Variants in POM121 observed in about 807,000 individuals in gnomAD.
POM121 encodes the protein POM121 transmembrane nucleoporin, also known as nuclear envelope pore membrane protein POM 121.
A neutral mutation model predicts 81.3 loss-of-function variants in POM121; 32 were observed. The ratio of observed to expected loss-of-function variants is 0.39; its 90% CI spans 0.30 to 0.53. The LOEUF (loss-of-function observed/expected upper bound fraction) is 0.53. Among genes scored for constraint, POM121 ranks in the 20% least tolerant of loss-of-function variants. POM121 has a pLI of 0.66. For synonymous variants in POM121, 514 were observed against 694.2 expected, an observed-to-expected ratio of 0.74 and a Z score of 4.08; for missense variants, 1,138 against 1,614.6, an observed-to-expected ratio of 0.70 and a Z score of 5.06.
At chr7:72,949,793 T>G (rs1797943824), downstream of POM121, 1 of 1,084,998 alleles carries the variant, frequency 9.2e-7, no homozygotes, top group East Asian at 2.4e-5. Flanking sequence ...CATTACCCAC[T>G]GAAAGGCACA....
chr7:72,909,767 C>T (rs1793624615), intron 3 of POM121, among the ~76,000 whole-genome samples: 2 of 152,184 alleles, frequency 1.3e-5, no homozygotes, highest in African/African-American at 4.8e-5. Flanking sequence ...TTCTTCTCAA[C>T]CTCCTGAGTA....
intron 5 of POM121, 79 bp from the exon 6 acceptor site, chr7:72,938,511 C>T (rs1554499960): frequency 1.4e-6 from 2 of 1,474,406 alleles, no homozygotes; most frequent in African/African-American, 1.4e-5. Context: ...TTTTTAGTCA[C>T]TTGAAAAGAG....
At chr7:72,907,101 T>G (rs782728602) in intron 3 of POM121, among the ~76,000 whole-genome samples, 2 of 152,214 alleles carry the variant, frequency 1.3e-5, no homozygotes, top group Non-Finnish European at 2.9e-5. Context: ...TAGACATTTC[T>G]TAGTATGCCA....
chr7:72,928,164 C>T (rs1181369968), intron 3 of POM121, among the ~76,000 whole-genome samples: 7 of 152,118 alleles, frequency 4.6e-5, no homozygotes, highest in Middle Eastern at 3.4e-3. Context: ...GAGCCAAGAT[C>T]GTGCTATTGC....
upstream of POM121, among the ~76,000 whole-genome samples, chr7:72,920,543 A>G (rs1586134729): frequency 6.6e-6 from 1 of 151,436 alleles, no homozygotes; most frequent in Non-Finnish European, 1.5e-5. Flanking sequence ...TTTAGTAGAG[A>G]CGGGGTTTCA....
chr7:72,910,434 G>A (rs1370375639), intron 3 of POM121, among the ~76,000 whole-genome samples: 8 of 152,092 alleles, frequency 5.3e-5, no homozygotes, highest in South Asian at 2.1e-4. Flanking sequence ...GACGGGGAAC[G>A]GGAAATGGGT....
At chr7:72,895,104 A>C (rs1352234718) in intron 3 of POM121, among the ~76,000 whole-genome samples, 1 of 152,230 alleles carries the variant, frequency 6.6e-6, no homozygotes, top group Non-Finnish European at 1.5e-5. Context: ...TTGGGATGAC[A>C]GGCATGAGCC....
downstream of POM121, chr7:72,948,884 C>G: frequency 6.2e-7 from 1 of 1,610,594 alleles, no homozygotes; most frequent in Non-Finnish European, 8.5e-7. Flanking sequence ...CTGGCGCACG[C>G]CCTGTACCTG....
At chr7:72,934,080 G>A (rs563230707) in intron 5 of POM121, among the ~76,000 whole-genome samples, 2 of 151,858 alleles carry the variant, frequency 1.3e-5, no homozygotes, top group South Asian at 4.2e-4. Context: ...TTACTGTACA[G>A]TCTTTTTTTT....
downstream of POM121, chr7:72,948,827 C>T (rs1797892576): frequency 6.5e-7 from 1 of 1,536,292 alleles, no homozygotes; most frequent in Non-Finnish European, 9.0e-7. Flanking sequence ...GAAACAGCCC[C>T]AATGCTGGGT....
At chr7:72,944,870 G>A (rs1273262794) in intron 11 of POM121, among the ~76,000 whole-genome samples, 2 of 152,186 alleles carry the variant, frequency 1.3e-5, no homozygotes, top group South Asian at 2.1e-4. Context: ...CGAAGTCACC[G>A]TGAGTGGTGA....
chr7:72,945,150 CGGGGAAGGGA>C (rs1316531333), intron 11 of POM121, among the ~76,000 whole-genome samples: 1 of 152,036 alleles, frequency 6.6e-6, no homozygotes, highest in East Asian at 1.9e-4. Flanking sequence ...AGGGCAAGGC[CGGGGAAGGGA>C]GGGGACCACG....
intron 1 of POM121, among the ~76,000 whole-genome samples, chr7:72,887,698 A>T (rs1279637101): frequency 1.3e-5 from 2 of 152,114 alleles, no homozygotes. Context: ...ATGCTGGTGC[A>T]CGCCTGTAAT....
intron 3 of POM121, among the ~76,000 whole-genome samples, chr7:72,895,772 G>A (rs1416578974): frequency 6.6e-6 from 1 of 151,854 alleles, no homozygotes; most frequent in Non-Finnish European, 1.5e-5. Context: ...AGCCAGGCGT[G>A]GTGGTGCACG....
At chr7:72,885,047 T>C (rs1185082443) in intron 1 of POM121, among the ~76,000 whole-genome samples, 96 of 152,346 alleles carry the variant, frequency 6.3e-4, no homozygotes, top group Non-Finnish European at 9.0e-4. Flanking sequence ...TTTTCATGCT[T>C]TTTAAGTCTG....
At chr7:72,893,813 C>A (rs1310360070) in intron 3 of POM121, among the ~76,000 whole-genome samples, 27 of 152,144 alleles carry the variant, frequency 1.8e-4, no homozygotes, top group Admixed American at 1.4e-3. Flanking sequence ...CTTCCGCTCC[C>A]TTGGGTCCCA....
chr7:72,909,519 A>G (rs62463400), intron 3 of POM121, among the ~76,000 whole-genome samples: 39 of 152,226 alleles, frequency 2.6e-4, no homozygotes, highest in Non-Finnish European at 4.8e-4. Context: ...GCAGGCACTC[A>G]ACCTGTTTAG....
chr7:72,917,402 T>C (rs1262060978), intron 4 of POM121, among the ~76,000 whole-genome samples: 1 of 152,216 alleles, frequency 6.6e-6, no homozygotes, highest in Non-Finnish European at 1.5e-5. Context: ...GCGAGCATCC[T>C]GCCCTGGACA....
At chr7:72,888,675 AGTGT>A (rs57062510) in intron 1 of POM121, among the ~76,000 whole-genome samples, 15,000 of 142,932 alleles carry the variant, frequency 0.1, 789 homozygotes, top group East Asian at 0.28. Flanking sequence ...GAGGCATAAG[AGTGT>A]GTGTGTGTGT....
Sources: gnomAD v4.1 joint callset for allele counts (sites outside exome capture counted in the v4.1 genomes callset) on GRCh38, gnomAD v4.1.1 for gene constraint, MANE v1.5 for transcripts, NCBI Gene and HGNC (gene_info 2026-07-23, HGNC 2026-07-21) for gene names.